The following SPATA22 variants were observed in gnomAD, a reference collection of about 807,000 sequenced individuals.
SPATA22 encodes the protein spermatogenesis-associated protein 22.
A neutral mutation model predicts 47.8 loss-of-function variants in SPATA22; 29 were observed. The observed-to-expected ratio is 0.61, with a 90% CI of 0.45 to 0.83. SPATA22 has a LOEUF of 0.83. SPATA22 is among the 40% of genes least tolerant of loss of function. The probability of loss-of-function intolerance (pLI) is 0.00; values close to 1 mark genes in which losing one functional copy is unlikely to be tolerated. For missense variants in SPATA22, 410 were observed against 421.7 expected (o/e 0.97, Z 0.24); for synonymous variants, 133 against 140.9 (o/e 0.94, Z 0.40).
At chr17:3,450,606 A>G (rs1397278627) in intron 5 of SPATA22, among the ~76,000 whole-genome samples, 4 of 152,198 alleles carry the variant, frequency 2.6e-5, no homozygotes, top group Non-Finnish European at 5.9e-5. Context: ...CTGGCACTAC[A>G]GGTACGTACC....
intron 1 of SPATA22, chr17:3,499,189 C>T: frequency 1.6e-6 from 2 of 1,271,710 alleles, no homozygotes; most frequent in African/African-American, 1.5e-5. Flanking sequence ...GCATACATAG[C>T]TCCTAGCACA....
intron 1 of SPATA22, among the ~76,000 whole-genome samples, chr17:3,492,791 T>C (rs1344893128): frequency 6.6e-6 from 1 of 151,978 alleles, no homozygotes; most frequent in Non-Finnish European, 1.5e-5. Flanking sequence ...GGCCATCCCA[T>C]AGGATCCAGC....
chr17:3,497,178 C>G (rs1288542264), intron 1 of SPATA22, among the ~76,000 whole-genome samples: 1 of 152,172 alleles, frequency 6.6e-6, no homozygotes, highest in African/African-American at 2.4e-5. Flanking sequence ...TCATGTGGCT[C>G]AGGTCTGGAT....
intron 1 of SPATA22, among the ~76,000 whole-genome samples, chr17:3,497,565 C>G (rs904441134): frequency 5.3e-5 from 8 of 152,170 alleles, no homozygotes; most frequent in Non-Finnish European, 1.0e-4. Context: ...GCCCTCCTCT[C>G]AGATTCTGAT....
In SPATA22 at chr17:3,469,334, A is replaced by G. The variant is rs1473984563; in HGVS notation, c.-9T>C. ...TTTAGGCTTCGCTTCATTTCCTTCAATATCAAAATCTATAATTTTCTATTC... is the reference window on the plus strand; with the variant it reads ...TTTAGGCTTCGCTTCATTTCCTTCAGTATCAAAATCTATAATTTTCTATTC... On this transcript the variant is annotated 5_prime_UTR_variant, in exon 2 of 9. Transcript: ENST00000572969. 4 of 1,561,832 alleles carry G rather than the reference A, an allele frequency of 2.6e-6. No individual in the cohort carries two copies. Among genetic ancestry groups the G allele is most frequent in the Non-Finnish European group, 1.7e-6 (2 of 1,150,540 alleles).
chr17:3,477,688 A>T (rs1219780482), intron 1 of SPATA22, among the ~76,000 whole-genome samples: 2 of 152,072 alleles, frequency 1.3e-5, no homozygotes, highest in Non-Finnish European at 2.9e-5. Flanking sequence ...TCCTGGCCTC[A>T]GGTGATCTGC....
chr17:3,458,001 G>A (rs1420573494), intron 5 of SPATA22, among the ~76,000 whole-genome samples: 1 of 152,122 alleles, frequency 6.6e-6, no homozygotes, highest in Admixed American at 6.5e-5. Flanking sequence ...AAGAGCTTCT[G>A]CACAGTAAAG....
intron 2 of SPATA22, chr17:3,468,262 T>G (rs982110885): frequency 6.6e-6 from 1 of 152,238 alleles, no homozygotes; most frequent in African/African-American, 2.4e-5. Context: ...TCACAAAATA[T>G]AAACTTTGAA....
intron 3 of SPATA22, among the ~76,000 whole-genome samples, chr17:3,464,532 G>A (rs1348676845): frequency 3.7e-5 from 5 of 134,016 alleles, no homozygotes; most frequent in Non-Finnish European, 8.6e-5. Context: ...TCTAGGAAGT[G>A]AGAAGCGCCT....
intron 1 of SPATA22, among the ~76,000 whole-genome samples, chr17:3,508,527 A>T (rs9899126): frequency 0.94 from 133,964 of 141,874 alleles, 63,774 homozygotes; most frequent in East Asian, 1. Context: ...TAGACTGGAT[A>T]AAGAAAATGT....
chr17:3,448,443 C>T (rs1314848449), intron 6 of SPATA22, among the ~76,000 whole-genome samples: 1 of 152,036 alleles, frequency 6.6e-6, no homozygotes, highest in Non-Finnish European at 1.5e-5. Flanking sequence ...TACTGTCTGG[C>T]CCTTTAAGAA....
Position 3,499,067 on chromosome 17 carries a change from T to C in SPATA22, c.-74+14345A>G. ...CTAAACTAACGCTCAATGCAAAAAG[T>C]ATTCGCTGCTGTTTACATTAGAAAT... On this transcript the variant is annotated intron_variant, in intron 1 of 8. Transcript: ENST00000541913. The C allele has an allele frequency of 6.2e-7, 1 of 1,614,098 alleles. No homozygotes were observed. Among genetic ancestry groups the C allele is most frequent in the East Asian group, 2.2e-5 (1 of 44,882 alleles).
chr17:3,477,320 A>G (rs2073542842), intron 1 of SPATA22, among the ~76,000 whole-genome samples: 1 of 152,228 alleles, frequency 6.6e-6, no homozygotes, highest in Admixed American at 6.5e-5. Flanking sequence ...GATTTGTAAT[A>G]TATTGCATAC....
rs2073811219 is a variant in SPATA22 at position 3,490,794 on chromosome 17, T to C, written c.-73-21396A>G. On this transcript the variant is annotated intron_variant, in intron 1 of 8. Coordinates refer to the SPATA22 transcript ENST00000541913. This position sits in a 1 kb window ranked among gnomAD's most constrained non-coding sequence, Gnocchi z 4.6. ...AATCTGGGTGGAAAACGTGGTTGGT[T>C]TTCAGATCATAGTCCATAGAATCCT... is the stretch of plus-strand genomic sequence containing the variant. 6.6e-6 allele frequency among the ~76,000 whole-genome samples: 1 copy of C among 152,118 alleles called. No individual in the cohort carries two copies. The highest frequency in any genetic ancestry group is 2.4e-5 in the African/African-American group (1 of 41,422).
chr17:3,511,332 A>G (rs559158933), intron 1 of SPATA22: 1 of 152,310 alleles, frequency 6.6e-6, no homozygotes, highest in African/African-American at 2.4e-5. Flanking sequence ...AAAATGATGG[A>G]ATAACTGTGC....
rs764345864 is a variant in SPATA22, at chr17:3,488,423, G to A, written c.-73-19025C>T. On this transcript the variant is annotated intron_variant, in intron 1 of 8. Transcript: ENST00000541913. This position sits in a 1 kb window ranked among gnomAD's most constrained non-coding sequence, Gnocchi z 6.1. ...TGTAATCCCAGCATTTGGGGAAGCCGAGAAGGGCAGATTACCTGCGGTCAG... is the reference window on the plus strand; with the variant it reads ...TGTAATCCCAGCATTTGGGGAAGCCAAGAAGGGCAGATTACCTGCGGTCAG... Among the ~76,000 whole-genome samples, 2 of 152,170 alleles carry A rather than the reference G, an allele frequency of 1.3e-5. No homozygotes were observed. Among genetic ancestry groups the A allele is most frequent in the Non-Finnish European group, 2.9e-5 (2 of 68,028 alleles).
rs139476666 is a variant in SPATA22 at position 3,487,040 on chromosome 17, TTG to T, written c.-73-17644_-73-17643del. ...GCTGTGTCCAGTCGCTTTCCCATAT[TTG>T]TGTGTGTGTGTGTGTTTATGTGTGT... On this transcript the variant is annotated intron_variant, in intron 1 of 8. Transcript: ENST00000541913. Among the ~76,000 whole-genome samples the T allele has an allele frequency of 8.1e-5, 12 of 148,856 alleles. No individual in the cohort carries two copies. In the South Asian group the frequency reaches 1.5e-3, roughly 19 times the overall value.
chr17:3,454,582 G>A (rs2072941428), intron 5 of SPATA22, among the ~76,000 whole-genome samples: 1 of 151,904 alleles, frequency 6.6e-6, no homozygotes, highest in Non-Finnish European at 1.5e-5. Flanking sequence ...AGTTTACTGA[G>A]AATGATGATT....
chr17:3,458,459 A>C (rs913870100), intron 5 of SPATA22, among the ~76,000 whole-genome samples: 2 of 152,354 alleles, frequency 1.3e-5, no homozygotes, highest in Admixed American at 6.5e-5. Flanking sequence ...ATAATCTAAC[A>C]ATTCCACTTC....
Sources: gnomAD v4.1 joint callset for allele counts (sites outside exome capture counted in the v4.1 genomes callset) on GRCh38, gnomAD v4.1.1 for gene constraint, Gnocchi (gnomAD v3.1) non-coding constraint, MANE v1.5 for transcripts, NCBI Gene and HGNC (gene_info 2026-07-23, HGNC 2026-07-21) for gene names.